ASCL5: variants seen among roughly 807,000 people sequenced by gnomAD.
ASCL5 encodes achaete-scute homolog 5.
For missense variants in ASCL5, 262 were observed against 268.9 expected (o/e 0.97, Z 0.18); for synonymous variants, 124 against 131.5 (o/e 0.94, Z 0.39).
chr1:201,122,601 T>G lies in ASCL5; in HGVS notation c.-506+4483A>C, dbSNP rs139593078. On this transcript the variant is annotated intron_variant, in intron 1 of 1. Transcript: ENST00000449188. ...TTACCAGGGTCTCATTGGGTTGATA[T>G]GAGGACTTTCTTGGCCGGGCAGCGG... Among the ~76,000 whole-genome samples the G allele has an allele frequency of 3.1e-3, 471 of 152,280 alleles. 1 individual carries two copies. Among genetic ancestry groups the G allele is most frequent in the African/African-American group, 0.011 (442 of 41,558 alleles).
chr1:201,123,700 A>G (rs1663523882), intron 1 of ASCL5, among the ~76,000 whole-genome samples: 2 of 152,210 alleles, frequency 1.3e-5, no homozygotes, highest in South Asian at 2.1e-4. Context: ...AAGAAAGTCC[A>G]TTCCCTACAT....
At chr1:201,119,486 T>A (rs1007515193) in intron 1 of ASCL5, among the ~76,000 whole-genome samples, 2 of 152,160 alleles carry the variant, frequency 1.3e-5, no homozygotes, top group Non-Finnish European at 2.9e-5. Context: ...GGTGTCGAAG[T>A]CATCACTTCC....
chr1:201,126,088 G>A (rs1251583690), intron 1 of ASCL5, among the ~76,000 whole-genome samples: 1 of 152,084 alleles, frequency 6.6e-6, no homozygotes, highest in Non-Finnish European at 1.5e-5. Flanking sequence ...CCATGTGCTA[G>A]CAATTTATTT....
At chr1:201,124,280 G>A (rs1399450871) in intron 1 of ASCL5, among the ~76,000 whole-genome samples, 2 of 152,302 alleles carry the variant, frequency 1.3e-5, no homozygotes, top group South Asian at 4.1e-4. Context: ...TGGGTTCACA[G>A]GCTAGGAAGC....
chr1:201,117,073 C>A (rs1344746055), intron 1 of ASCL5, among the ~76,000 whole-genome samples: 2 of 152,154 alleles, frequency 1.3e-5, no homozygotes, highest in Admixed American at 6.5e-5. Context: ...CTTTGTCCTC[C>A]ACACTAAATG....
At chr1:201,123,210 T>G (rs1319530526) in intron 1 of ASCL5, among the ~76,000 whole-genome samples, 1 of 152,194 alleles carries the variant, frequency 6.6e-6, no homozygotes, top group Non-Finnish European at 1.5e-5. Context: ...CTCCAATCTT[T>G]GAATGAAAAG....
chr1:201,114,847 C>T lies in ASCL5; in HGVS notation c.526G>A (p.Glu176Lys), dbSNP rs1177345630. The T allele has an allele frequency of 1.1e-5, 13 of 1,227,538 alleles. No homozygotes were observed. The highest frequency in any genetic ancestry group is 1.3e-5 in the Non-Finnish European group (13 of 985,318). The allele number at this position is 1,227,538 out of a possible 1,614,324, so 76.0% of individuals were successfully genotyped here. A position where few individuals can be genotyped will look rare whatever the true frequency, so the allele number is the denominator to read the frequency against. ...TPRPDRPGDGEARAPSSLVPE... is the reference protein window; with the variant it reads ...TPRPDRPGDGKARAPSSLVPE... ...ACCAGGGAGGAGGGCGCCCGGGCCTCGCCGTCGCCAGGGCGGTCGGGACGG... is the reference window on the plus strand; with the variant it reads ...ACCAGGGAGGAGGGCGCCCGGGCCTTGCCGTCGCCAGGGCGGTCGGGACGG... Residue 176 changes from glutamate to lysine, a missense_variant, in exon 2 of 2, where the codon GAG (glutamate) becomes AAG (lysine). Glu to Lys is a moderately conservative substitution (Grantham distance 56, BLOSUM62 1). Transcript: ENST00000449188.
intron 1 of ASCL5, among the ~76,000 whole-genome samples, chr1:201,118,644 T>C (rs573334663): frequency 6.6e-6 from 1 of 152,178 alleles, no homozygotes; most frequent in Admixed American, 6.5e-5. Flanking sequence ...TTTCATTCAG[T>C]AAATATGTAC....
rs778303344 is a variant in ASCL5 at position 201,123,720 on chromosome 1, T to TACCCC, written c.-506+3359_-506+3363dup. Among the ~76,000 whole-genome samples the TACCCC allele has an allele frequency of 2.6e-5, 4 of 152,184 alleles. No homozygotes were observed. In the South Asian group the frequency reaches 6.2e-4, roughly 24 times the overall value. ...AGTCCATTCCCTACATTACTCCTAC[T>TACCCC]ACCCCACCCCACCCAAGGGGAGGAG... On this transcript the variant is annotated intron_variant, in intron 1 of 1. Coordinates refer to ENST00000449188, the MANE Select transcript of ASCL5 (RefSeq NM_001270601.2).
intron 1 of ASCL5, among the ~76,000 whole-genome samples, chr1:201,121,589 T>A (rs540367601): frequency 8.5e-5 from 13 of 152,262 alleles, no homozygotes; most frequent in African/African-American, 3.1e-4. Flanking sequence ...TATCACTAAC[T>A]TGAAAAAAAT....
chr1:201,126,645 A>G (rs1302550811), intron 1 of ASCL5, among the ~76,000 whole-genome samples: 1 of 152,236 alleles, frequency 6.6e-6, no homozygotes, highest in Non-Finnish European at 1.5e-5. Context: ...ACAGAGACCT[A>G]GATATGCAAA....
At chr1:201,122,444 C>A (rs61819463) in intron 1 of ASCL5, among the ~76,000 whole-genome samples, 3 of 152,016 alleles carry the variant, frequency 2.0e-5, no homozygotes, top group Non-Finnish European at 2.9e-5. Context: ...TGGTGCTTTG[C>A]GGCGTGCTCT....
At chr1:201,120,564 C>T (rs1198406133) in intron 1 of ASCL5, among the ~76,000 whole-genome samples, 1 of 152,226 alleles carries the variant, frequency 6.6e-6, no homozygotes, top group East Asian at 1.9e-4. Flanking sequence ...TGGTCTTATC[C>T]TTCTTTGAGA....
At chr1:201,117,674 C>A (rs528732458) in intron 1 of ASCL5, among the ~76,000 whole-genome samples, 6 of 152,188 alleles carry the variant, frequency 3.9e-5, no homozygotes, top group African/African-American at 9.7e-5. Context: ...CTCTGCTTTA[C>A]CCAGAGTCCT....
At chr1:201,125,862 G>A (rs928185932) in intron 1 of ASCL5, among the ~76,000 whole-genome samples, 29 of 152,312 alleles carry the variant, frequency 1.9e-4, no homozygotes, top group African/African-American at 6.5e-4. Context: ...AAAGCAGGTG[G>A]TCTCACGAGC....
At position 201,114,784 on chromosome 1, in the gene ASCL5, G is replaced by A; in HGVS notation, c.589C>T (p.Pro197Ser). ...SSESSCFSPS[P>S]FLESEESWH ...CAGGATTCCTCCGACTCCAAGAAAGGCGACGGGGAGAAGCAGGAGGACTCG... is the reference window on the plus strand; with the variant it reads ...CAGGATTCCTCCGACTCCAAGAAAGACGACGGGGAGAAGCAGGAGGACTCG... Residue 197 changes from proline to serine, a missense_variant, in exon 2 of 2, where the codon CCT (proline) becomes TCT (serine). Transcript: ENST00000449188. The A allele has an allele frequency of 8.9e-6, 11 of 1,231,196 alleles. No homozygotes were observed. Among genetic ancestry groups the A allele is most frequent in the Non-Finnish European group, 1.0e-5 (10 of 987,624 alleles). The allele number at this position is 1,231,196 out of a possible 1,614,324, so 76.3% of individuals were successfully genotyped here.
At position 201,115,335 on chromosome 1, in the gene ASCL5, C is replaced by T. The variant is rs539927723; in HGVS notation, c.38G>A (p.Arg13Lys). 1.5e-3 allele frequency: 1,828 copies of T among 1,231,404 alleles called. 2 individuals carry two copies. The highest frequency in any genetic ancestry group is 4.7e-3 in the Middle Eastern group (15 of 3,208). The allele number at this position is 1,231,404 out of a possible 1,614,324, so 76.3% of individuals were successfully genotyped here. Residue 13 changes from arginine to lysine, a missense_variant, in exon 2 of 2, where the codon AGG (arginine) becomes AAG (lysine). Arg to Lys is a conservative substitution (Grantham distance 26). Transcript: ENST00000449188. ...CATGCAGCTGGGGGGCCCCAGAGGC[C>T]TCCGGTCCACCAGAGCCCGGCAGAA... The part of the protein sequence containing the change: ...NNFCRALVDR[R>K]PLGPPSCMQL...
chr1:201,126,042 C>T (rs1017554407), intron 1 of ASCL5, among the ~76,000 whole-genome samples: 4 of 152,044 alleles, frequency 2.6e-5, no homozygotes, highest in Non-Finnish European at 4.4e-5. Context: ...TGGCTCACAC[C>T]GTAGGGAAGG....
At chr1:201,119,904 C>G (rs1354151335) in intron 1 of ASCL5, among the ~76,000 whole-genome samples, 1 of 152,084 alleles carries the variant, frequency 6.6e-6, no homozygotes, top group Non-Finnish European at 1.5e-5. Context: ...TTTAAGGGGC[C>G]CTGGTTCCTC....
Sources: allele counts gnomAD v4.1 joint callset (sites outside exome capture counted in the v4.1 genomes callset), GRCh38; gene constraint gnomAD v4.1.1; transcripts MANE v1.5; gene names NCBI Gene and HGNC (gene_info 2026-07-23, HGNC 2026-07-21).